SMOC2: variants seen among roughly 807,000 people sequenced by gnomAD.
SMOC2 encodes SPARC related modular calcium binding 2, also known as SPARC-related modular calcium-binding protein 2.
In SMOC2, 39 loss-of-function variants were observed where a neutral mutation model predicts 61.4. The ratio of observed to expected loss-of-function variants is 0.64; its 90% CI spans 0.49 to 0.83. SMOC2 has a LOEUF of 0.83. SMOC2 is among the 40% of genes least tolerant of loss of function. The pLI is 0.00. For synonymous variants in SMOC2, 247 were observed against 239.9 expected, an observed-to-expected ratio of 1.03 and a Z score of -0.27; for missense variants, 556 against 592.9, an observed-to-expected ratio of 0.94 and a Z score of 0.65.
intron 9 of SMOC2, among the ~76,000 whole-genome samples, chr6:168,619,671 C>T (rs1440473697): frequency 6.6e-6 from 1 of 152,198 alleles, no homozygotes. Context: ...ACGCAAGTCT[C>T]ACTTACTTCC....
chr6:168,446,998 C>T (rs763376440), intron 1 of SMOC2, among the ~76,000 whole-genome samples: 1 of 152,202 alleles, frequency 6.6e-6, no homozygotes, highest in Non-Finnish European at 1.5e-5. Context: ...GTCAATATAG[C>T]ATGTCCAGGC....
chr6:168,483,912 T>C (rs917125332), intron 1 of SMOC2, among the ~76,000 whole-genome samples: 3 of 152,170 alleles, frequency 2.0e-5, no homozygotes, highest in African/African-American at 7.2e-5. Flanking sequence ...TATTGGACCT[T>C]TGCCTAACAT....
At chr6:168,469,712 G>A (rs1002638182) in intron 1 of SMOC2, among the ~76,000 whole-genome samples, 2 of 152,088 alleles carry the variant, frequency 1.3e-5, no homozygotes, top group Admixed American at 6.5e-5. Flanking sequence ...GGTCGGAGCC[G>A]ATGACTTTTG....
Position 168,620,928 on chromosome 6 carries a change from G to GA in SMOC2, c.907+12689_907+12690insA, listed in dbSNP as rs1786227312. On this transcript the variant is annotated intron_variant, in intron 9 of 12. Transcript: ENST00000356284. The stretch of plus-strand genomic sequence containing the variant: ...CAGACTAAGGCTGCAGTGCCCAGAT[G>GA]CATCAGCCGCGTGTCAAACTCCTTG... 6.2e-4 allele frequency among the ~76,000 whole-genome samples: 94 copies of GA among 152,212 alleles called. 2 individuals are homozygous for GA. Among genetic ancestry groups the GA allele is most frequent in the African/African-American group, 2.1e-3 (88 of 41,476 alleles).
At chr6:168,622,248 G>A (rs1275636568) in intron 9 of SMOC2, among the ~76,000 whole-genome samples, 1 of 152,124 alleles carries the variant, frequency 6.6e-6, no homozygotes, top group Non-Finnish European at 1.5e-5. Context: ...TTACAGGTGT[G>A]AGCCACTGCG....
chr6:168,512,276 T>C (rs1783026836), intron 2 of SMOC2, among the ~76,000 whole-genome samples: 1 of 152,136 alleles, frequency 6.6e-6, no homozygotes, highest in African/African-American at 2.4e-5. Context: ...TGCAAATTGC[T>C]GTTCTGCACG....
At chr6:168,445,525 C>T (rs949326641) in intron 1 of SMOC2, among the ~76,000 whole-genome samples, 2 of 152,230 alleles carry the variant, frequency 1.3e-5, no homozygotes, top group African/African-American at 4.8e-5. Flanking sequence ...AATAAAAATG[C>T]TATTCCATTT....
chr6:168,570,109 C>A (rs1418470326), intron 7 of SMOC2, among the ~76,000 whole-genome samples: 1 of 149,914 alleles, frequency 6.7e-6, no homozygotes, highest in African/African-American at 2.5e-5. Context: ...CCTTGCTTCG[C>A]TACTTTGGGA....
At chr6:168,636,050 G>A (rs961443174) in intron 9 of SMOC2, among the ~76,000 whole-genome samples, 1 of 152,092 alleles carries the variant, frequency 6.6e-6, no homozygotes, top group African/African-American at 2.4e-5. Flanking sequence ...CAATGAAGGA[G>A]GAATAGCATG....
intron 1 of SMOC2, among the ~76,000 whole-genome samples, chr6:168,494,465 C>T (rs1008265304): frequency 7.9e-5 from 12 of 152,194 alleles, no homozygotes; most frequent in South Asian, 2.1e-4. Context: ...TGGCTTTAGC[C>T]GAAACACTTT....
chr6:168,514,956 T>C (rs2763234), intron 2 of SMOC2, among the ~76,000 whole-genome samples: 136,321 of 152,196 alleles, frequency 0.9, 61,975 homozygotes, highest in East Asian at 1. Flanking sequence ...GGTGTCTCCC[T>C]AGCATGTGAC....
chr6:168,633,647 C>T (rs773045237), intron 9 of SMOC2, among the ~76,000 whole-genome samples: 7 of 152,134 alleles, frequency 4.6e-5, no homozygotes, highest in Non-Finnish European at 7.4e-5. Context: ...GTCCTCCTTG[C>T]AGGAGACACA....
chr6:168,519,397 C>T (rs1783271050), intron 2 of SMOC2, among the ~76,000 whole-genome samples: 1 of 152,176 alleles, frequency 6.6e-6, no homozygotes, highest in East Asian at 1.9e-4. Flanking sequence ...GAAGCAACTT[C>T]AATCGGATTT....
chr6:168,534,729 T>C lies in SMOC2; in HGVS notation c.463+7002T>C, dbSNP rs140659340. On this transcript the variant is annotated intron_variant, in intron 4 of 12. Transcript: ENST00000356284. ...TTTATAATCTGCTCCTCTGTTATACTTTAGTGTACATTTAATTTGGCGGCT... is the reference window on the plus strand; with the variant it reads ...TTTATAATCTGCTCCTCTGTTATACCTTAGTGTACATTTAATTTGGCGGCT... Among the ~76,000 whole-genome samples, 6 of 152,332 alleles carry C rather than the reference T, an allele frequency of 3.9e-5. No homozygotes were observed. The East Asian group carries it at 1.2e-3, about 29-fold the overall frequency.
At chr6:168,441,713 T>C (rs2114984776) in intron 1 of SMOC2, among the ~76,000 whole-genome samples, 1 of 152,262 alleles carries the variant, frequency 6.6e-6, no homozygotes, top group African/African-American at 2.4e-5. Context: ...CTCCTCGGGT[T>C]CCACCCGGCT....
chr6:168,462,265 G>A (rs998898374), intron 1 of SMOC2, among the ~76,000 whole-genome samples: 1 of 152,146 alleles, frequency 6.6e-6, no homozygotes, highest in African/African-American at 2.4e-5. Flanking sequence ...GACTATGTCC[G>A]TATTCTGAAG....
intron 9 of SMOC2, among the ~76,000 whole-genome samples, chr6:168,649,895 G>A (rs1787149391): frequency 1.3e-5 from 2 of 152,178 alleles, no homozygotes; most frequent in African/African-American, 4.8e-5. Context: ...CACCGGGAAC[G>A]GTCTCAGGAG....
At chr6:168,632,555 C>A (rs979264577) in intron 9 of SMOC2, among the ~76,000 whole-genome samples, 1 of 152,158 alleles carries the variant, frequency 6.6e-6, no homozygotes, top group Non-Finnish European at 1.5e-5. Flanking sequence ...CGTACACAAC[C>A]CAGGTGCATG....
At chr6:168,590,759 T>C (rs1157173052) in intron 7 of SMOC2, among the ~76,000 whole-genome samples, 1 of 152,128 alleles carries the variant, frequency 6.6e-6, no homozygotes, top group East Asian at 1.9e-4. Flanking sequence ...TATTTAAGAG[T>C]TTTTTTAATG....
Sources: allele counts gnomAD v4.1 joint callset (sites outside exome capture counted in the v4.1 genomes callset), GRCh38; gene constraint gnomAD v4.1.1; transcripts MANE v1.5; gene names NCBI Gene and HGNC (gene_info 2026-07-23, HGNC 2026-07-21).